DOP1B: variants seen among roughly 807,000 people sequenced by gnomAD.
DOP1B encodes DOP1 leucine zipper like protein B, also known as protein DOP1B.
A neutral mutation model predicts 233.5 loss-of-function variants in DOP1B; 174 were observed. The ratio of observed to expected loss-of-function variants is 0.75; its 90% CI spans 0.66 to 0.85. DOP1B has a LOEUF of 0.85. DOP1B is among the 40% of genes least tolerant of loss of function. DOP1B has a pLI of 0.00. For synonymous variants in DOP1B, 1,190 were observed against 1,185.6 expected (o/e 1.00, Z -0.08); for missense variants, 2,652 against 2,846.6 (o/e 0.93, Z 1.56).
At chr21:36,243,667 A>AT (rs10652120) in intron 18 of DOP1B, among the ~76,000 whole-genome samples, 62,588 of 148,534 alleles carry the variant, frequency 0.42, 13,708 homozygotes, top group African/African-American at 0.56. Context: ...CTGCTGCTTG[A>AT]TTTTTTTTTT....
chr21:36,275,719 A>G (rs2067342495), intron 27 of DOP1B, among the ~76,000 whole-genome samples: 2 of 152,104 alleles, frequency 1.3e-5, no homozygotes, highest in African/African-American at 4.8e-5. Context: ...CATGGTCATG[A>G]CATAAAGTAA....
At chr21:36,232,284 A>C (rs2066776847) in intron 14 of DOP1B, among the ~76,000 whole-genome samples, 1 of 152,164 alleles carries the variant, frequency 6.6e-6, no homozygotes, top group Non-Finnish European at 1.5e-5. Flanking sequence ...TGCCTGGCCA[A>C]TATTTTATAT....
rs1356823004 is a variant in DOP1B at position 36,248,363 on chromosome 21, T to A, written c.4810-17T>A. The A allele has an allele frequency of 2.5e-6, 4 of 1,612,000 alleles. No homozygotes were observed. In the Admixed American group the frequency reaches 6.7e-5, roughly 27 times the overall value. On this transcript the variant is annotated splice_polypyrimidine_tract_variant and intron_variant, in intron 20 of 36. Coordinates refer to ENST00000691173, the MANE Select transcript of DOP1B (RefSeq NM_001320714.2). ...CCACAGACACAGCCTGCCTCATGTA[T>A]TCATTTTAATTTTTAGACCATGGCT...
chr21:36,268,011 A>G (rs2156415), intron 26 of DOP1B, among the ~76,000 whole-genome samples: 9,046 of 152,224 alleles, frequency 0.059, 585 homozygotes, highest in East Asian at 0.33. Flanking sequence ...ATAAGGGTCT[A>G]TGTTCAGCGG....
intron 32 of DOP1B, among the ~76,000 whole-genome samples, chr21:36,283,490 C>T (rs867835151): frequency 3.3e-5 from 5 of 152,152 alleles, no homozygotes; most frequent in Admixed American, 2.6e-4. Context: ...ACATAATTTC[C>T]GCATGTAGTG....
rs371761215 is a variant in DOP1B at position 36,208,903 on chromosome 21, C to T, written c.680C>T (p.Thr227Met). 2.0e-5 allele frequency: 30 copies of T among 1,528,758 alleles called. No homozygotes were observed. The highest frequency in any genetic ancestry group is 2.5e-5 in the South Asian group (2 of 78,838). The allele number at this position is 1,528,758 out of a possible 1,614,324, so 94.7% of individuals were successfully genotyped here. Residue 227 changes from threonine to methionine, a missense_variant and splice_region_variant, in exon 5 of 37, where the codon ACG becomes ATG. By Grantham distance (81) the Thr-to-Met change is moderately conservative (BLOSUM62 -1). This residue lies in a region of DOP1B where 2,617 missense variants were observed against 2,794.3 expected (regional missense o/e 0.94). Transcript: ENST00000691173. ...ATGCTGGGGACCAATCACCAACTCACGGTGGGTGCTGTGTTCCTCACAGGG... is the reference window on the plus strand; with the variant it reads ...ATGCTGGGGACCAATCACCAACTCATGGTGGGTGCTGTGTTCCTCACAGGG... The part of the protein sequence containing the change: ...KYMLGTNHQL[T>M]VKSLRASLLD...
chr21:36,196,375 C>T (rs2066290131), intron 2 of DOP1B, among the ~76,000 whole-genome samples: 1 of 152,134 alleles, frequency 6.6e-6, no homozygotes, highest in Non-Finnish European at 1.5e-5. Context: ...ATGTTGGCTG[C>T]CTGACCGTTC....
chr21:36,280,702 CATTAAAGAAATAAGTATT>C (rs2067405429), intron 31 of DOP1B, among the ~76,000 whole-genome samples: 1 of 152,084 alleles, frequency 6.6e-6, no homozygotes, highest in Non-Finnish European at 1.5e-5. Flanking sequence ...CATTAAGTAT[CATTAAAGAAATAAGTATT>C]GGGCTGGGCA....
chr21:36,244,886 C>T (rs970028189), intron 18 of DOP1B, among the ~76,000 whole-genome samples, 162 bp from the exon 19 acceptor site: 7 of 152,178 alleles, frequency 4.6e-5, no homozygotes, highest in African/African-American at 1.7e-4. Context: ...CCTTTGTCTA[C>T]TTTTGTCTGT....
chr21:36,216,494 G>A (rs1042184300), intron 9 of DOP1B, among the ~76,000 whole-genome samples: 1 of 151,452 alleles, frequency 6.6e-6, no homozygotes, highest in Non-Finnish European at 1.5e-5. Flanking sequence ...ACCTATAATC[G>A]CAGCTACTTG....
intron 2 of DOP1B, among the ~76,000 whole-genome samples, chr21:36,181,796 T>C (rs899071672): frequency 6.6e-6 from 1 of 150,744 alleles, no homozygotes; most frequent in Non-Finnish European, 1.5e-5. Context: ...GAGCCGTGAT[T>C]TGGGTGGGCT....
chr21:36,255,637 G>T (rs1015853460), intron 23 of DOP1B, among the ~76,000 whole-genome samples: 6 of 151,736 alleles, frequency 4.0e-5, no homozygotes, highest in Admixed American at 1.3e-4. Flanking sequence ...TTGCCACATT[G>T]CCCAGGCTGG....
chr21:36,195,340 CAAAAAAAA>C (rs60003046), intron 2 of DOP1B, among the ~76,000 whole-genome samples: 9 of 84,114 alleles, frequency 1.1e-4, no homozygotes, highest in South Asian at 4.2e-4. Context: ...GACTCTGGCT[CAAAAAAAA>C]AAAAAAAAAA....
chr21:36,214,531 C>T lies in DOP1B; in HGVS notation c.1104C>T (p.Ile368=). The part of the protein sequence containing the change: ...HAYLKPFRVL[I]SLLDKPEIGP... ...ACCTGAAGCCTTTTCGCGTCCTCATCAGTCTGCTTGACAAGCCAGAAATAG... is the reference window on the plus strand; with the variant it reads ...ACCTGAAGCCTTTTCGCGTCCTCATTAGTCTGCTTGACAAGCCAGAAATAG... The change falls in exon 9 of 37, where the codon ATC becomes ATT. Residue 368 remains isoleucine, a synonymous_variant. Coordinates refer to ENST00000691173, the MANE Select transcript of DOP1B (RefSeq NM_001320714.2). The T allele has an allele frequency of 5.0e-6, 8 of 1,614,010 alleles. No homozygotes were observed. The highest frequency in any genetic ancestry group is 6.8e-6 in the Non-Finnish European group (8 of 1,180,006).
At chr21:36,266,301 C>T (rs1051997088) in intron 26 of DOP1B, among the ~76,000 whole-genome samples, 18 of 152,080 alleles carry the variant, frequency 1.2e-4, no homozygotes, top group African/African-American at 2.9e-4. Context: ...CTCAGCCTCC[C>T]GAGTAGCTGG....
rs2066697302 is a variant in DOP1B at position 36,227,177 on chromosome 21, C to T, written c.1474-509C>T. On this transcript the variant is annotated intron_variant, in intron 12 of 36. Coordinates refer to ENST00000691173, the MANE Select transcript of DOP1B (RefSeq NM_001320714.2). ...GAGCCGAGATCACACCACTGCACTCCAGCCTGGGTGACAGAGTGAGACTTC... is the reference window on the plus strand; with the variant it reads ...GAGCCGAGATCACACCACTGCACTCTAGCCTGGGTGACAGAGTGAGACTTC... Among the ~76,000 whole-genome samples the T allele has an allele frequency of 2.0e-5, 3 of 150,586 alleles. No individual in the cohort carries two copies. The South Asian group carries it at 6.3e-4, about 31-fold the overall frequency.
At chr21:36,174,003 G>A (rs1218409252) in intron 2 of DOP1B, among the ~76,000 whole-genome samples, 3 of 152,136 alleles carry the variant, frequency 2.0e-5, no homozygotes, top group Admixed American at 6.5e-5. Flanking sequence ...GAGGTCTGTG[G>A]TGTCACACAG....
At chr21:36,243,368 C>CT (rs756474335) in intron 18 of DOP1B, among the ~76,000 whole-genome samples, 311 of 134,900 alleles carry the variant, frequency 2.3e-3, no homozygotes, top group East Asian at 5.5e-3. Flanking sequence ...TCCTTTTCTT[C>CT]TTTTTTTTTT....
At chr21:36,261,441 A>C (rs1401146924) in intron 24 of DOP1B, 1 of 985,796 alleles carries the variant, frequency 1.0e-6, no homozygotes. Flanking sequence ...TTTTATGTGG[A>C]GAGGTATCTG....
Sources: allele counts gnomAD v4.1 joint callset (sites outside exome capture counted in the v4.1 genomes callset), GRCh38; gene constraint gnomAD v4.1.1; regional missense constraint gnomAD v4.1.1; transcripts MANE v1.5; gene names NCBI Gene and HGNC (gene_info 2026-07-23, HGNC 2026-07-21).